ADGRV1: variants seen among roughly 807,000 people sequenced by gnomAD.
The protein encoded by ADGRV1 is G-protein coupled receptor 98.
A neutral mutation model predicts 596.2 loss-of-function variants in ADGRV1; 359 were observed. The ratio of observed to expected loss-of-function variants is 0.60; its 90% confidence interval spans 0.55 to 0.66. The LOEUF is 0.66. ADGRV1 is among the 30% of genes least tolerant of loss of function. The pLI is 0.00. For synonymous variants in ADGRV1, 2,681 were observed against 2,679.2 expected (o/e 1.00, Z -0.02); for missense variants, 7,274 against 7,575.6 (o/e 0.96, Z 1.48).
At chr5:90,938,720 T>C (rs75572023) in intron 83 of ADGRV1, among the ~76,000 whole-genome samples, 1,946 of 152,340 alleles carry the variant, frequency 0.013, 49 homozygotes, top group African/African-American at 0.044. Flanking sequence ...CATTCCAGCT[T>C]ATTGTTAATA....
intron 17 of ADGRV1, among the ~76,000 whole-genome samples, chr5:90,651,168 G>A (rs1162718369): frequency 6.6e-6 from 1 of 152,126 alleles, no homozygotes; most frequent in African/African-American, 2.4e-5. Flanking sequence ...ACAGACAGTA[G>A]TATTTTTATG....
chr5:90,783,996 A>G lies in ADGRV1; in HGVS notation c.13592A>G (p.Asn4531Ser), dbSNP rs201558848. ...NQSKISIANP[N>S]STMILSLVLE... ...AGCAAAATTTCTATTGCTAATCCCA[A>G]TTCCACAATGATTTTATCACTGGTG... is the stretch of plus-strand genomic sequence containing the variant. Residue 4531 changes from asparagine to serine, a missense_variant, in exon 67 of 90, where the codon AAT becomes AGT. Coordinates refer to ENST00000405460, the MANE Select transcript of ADGRV1 (RefSeq NM_032119.4). The G allele has an allele frequency of 5.3e-5, 85 of 1,612,954 alleles. No individual in the cohort carries two copies. The highest frequency in any genetic ancestry group is 5.0e-4 in the Middle Eastern group (3 of 6,058).
At chr5:91,119,856 C>G (rs1793157799) in intron 87 of ADGRV1, among the ~76,000 whole-genome samples, 1 of 152,160 alleles carries the variant, frequency 6.6e-6, no homozygotes, top group Non-Finnish European at 1.5e-5. Flanking sequence ...CCAGCCCAAA[C>G]AGCTATTGGA....
At chr5:90,561,871 G>A (rs1754880043) in intron 1 of ADGRV1, among the ~76,000 whole-genome samples, 2 of 152,166 alleles carry the variant, frequency 1.3e-5, no homozygotes, top group African/African-American at 2.4e-5. Context: ...ATTTTGGGGG[G>A]ACAAATTGCA....
At chr5:90,860,222 A>G (rs1767419897) in intron 82 of ADGRV1, among the ~76,000 whole-genome samples, 1 of 151,906 alleles carries the variant, frequency 6.6e-6, no homozygotes, top group Admixed American at 6.6e-5. Flanking sequence ...CAACCTCACC[A>G]CTCTAGAATA....
intron 87 of ADGRV1, among the ~76,000 whole-genome samples, chr5:91,104,574 C>G (rs1286037179): frequency 1.3e-5 from 2 of 152,088 alleles, no homozygotes; most frequent in Non-Finnish European, 2.9e-5. Flanking sequence ...AAATCTCTCC[C>G]TATCCCCTTT....
chr5:90,701,703 G>A (rs1353281374), intron 34 of ADGRV1, among the ~76,000 whole-genome samples: 2 of 151,816 alleles, frequency 1.3e-5, no homozygotes, highest in African/African-American at 4.8e-5. Context: ...GGATATTGAT[G>A]AACTAGTATT....
At chr5:91,144,430 G>A (rs898516539) in intron 87 of ADGRV1, among the ~76,000 whole-genome samples, 3 of 151,336 alleles carry the variant, frequency 2.0e-5, no homozygotes, top group African/African-American at 7.2e-5. Flanking sequence ...TTAGCATCCT[G>A]AGTAGCTGGG....
At chr5:90,812,139 G>C (rs1762499535) in intron 74 of ADGRV1, among the ~76,000 whole-genome samples, 1 of 151,862 alleles carries the variant, frequency 6.6e-6, no homozygotes, top group Non-Finnish European at 1.5e-5. Flanking sequence ...ATGTTGGCCA[G>C]CTGGTCTTGA....
chr5:90,680,130 A>C (rs1288398060), intron 26 of ADGRV1, among the ~76,000 whole-genome samples: 1 of 152,162 alleles, frequency 6.6e-6, no homozygotes, highest in African/African-American at 2.4e-5. Context: ...CGGGCTGATC[A>C]CCTGAGCTCA....
intron 1 of ADGRV1, among the ~76,000 whole-genome samples, chr5:90,609,358 T>C (rs1762472439): frequency 6.6e-6 from 1 of 151,932 alleles, no homozygotes. Flanking sequence ...TAAATAAAAA[T>C]AAAGACAAAT....
At chr5:90,602,211 T>C (rs1364698227) in intron 1 of ADGRV1, among the ~76,000 whole-genome samples, 1 of 152,206 alleles carries the variant, frequency 6.6e-6, no homozygotes, top group East Asian at 1.9e-4. Flanking sequence ...AATGTTTCGA[T>C]GCCTGGTACA....
chr5:91,111,553 G>T (rs1379880112), intron 87 of ADGRV1, among the ~76,000 whole-genome samples: 2 of 152,104 alleles, frequency 1.3e-5, no homozygotes, highest in Non-Finnish European at 2.9e-5. Context: ...TCCTTTTGAG[G>T]ATAAACAGCT....
chr5:90,676,817 A>C (rs1744286996), intron 25 of ADGRV1: 1 of 152,244 alleles, frequency 6.6e-6, no homozygotes. Context: ...TGGATGATCT[A>C]TAATGAGTTG....
chr5:90,685,847 T>G lies in ADGRV1; in HGVS notation c.6342T>G (p.Asp2114Glu). The G allele has an allele frequency of 6.2e-7, 1 of 1,612,474 alleles. No homozygotes were observed. Among genetic ancestry groups the G allele is most frequent in the Non-Finnish European group, 8.5e-7 (1 of 1,178,934 alleles). ...TIAQLIIIAN[D>E]DAFGTLQLSA... ...CGCAACTAATTATCATTGCCAATGA[T>G]GATGCATTTGGAACTCTTCAGCTCT... The change falls in exon 29 of 90, where the codon GAT (aspartate) becomes GAG (glutamate). Residue 2114 changes from aspartate to glutamate, a missense_variant. Around this residue, in one of 5 missense-constraint regions of ADGRV1, gnomAD observed 3,643 missense variants for 3,809.2 expected, o/e 0.96. Coordinates refer to ENST00000405460, the MANE Select transcript of ADGRV1 (RefSeq NM_032119.4).
chr5:90,703,551 G>A (rs768360377), intron 34 of ADGRV1, 114 bp from the exon 35 acceptor site: 2 of 692,234 alleles, frequency 2.9e-6, no homozygotes, highest in Non-Finnish European at 4.7e-6. Context: ...GCTTTGTAAT[G>A]TTCTTGGGAA....
In ADGRV1 at chr5:90,992,192, T is replaced by TC. The variant is rs746801932; in HGVS notation, c.18152+6673dup. Among the ~76,000 whole-genome samples the TC allele has an allele frequency of 2.6e-5, 4 of 152,242 alleles. No individual in the cohort carries two copies. In the East Asian group the frequency reaches 7.7e-4, roughly 29 times the overall value. On this transcript the variant is annotated intron_variant, in intron 85 of 89. Coordinates refer to ENST00000405460, the MANE Select transcript of ADGRV1 (RefSeq NM_032119.4). ...ATGTCTAGCTTGCTTTAATAAAGTT[T>TC]CCCACACATCCTTAAAACATGATTC...
rs1255697836 is a variant in ADGRV1, at chr5:90,783,881, G to A, written c.13477G>A (p.Gly4493Arg). The A allele has an allele frequency of 3.7e-6, 6 of 1,611,570 alleles. No homozygotes were observed. The highest frequency in any genetic ancestry group is 5.1e-6 in the Non-Finnish European group (6 of 1,178,990). ...PIEILLTGAT[G>R]GAVLGRHLVS... ...TGAAATTCTACTCACTGGAGCTACTGGAGGAGCGGTCCTTGGGCGCCACCT... is the reference window on the plus strand; with the variant it reads ...TGAAATTCTACTCACTGGAGCTACTAGAGGAGCGGTCCTTGGGCGCCACCT... The change falls in exon 67 of 90, where the codon GGA becomes AGA. Residue 4493 changes from glycine (G) to arginine (R), a missense_variant. Gly to Arg is a moderately radical substitution (Grantham distance 125, BLOSUM62 -2). Transcript: ENST00000405460.
intron 59 of ADGRV1, among the ~76,000 whole-genome samples, chr5:90,770,319 AC>A (rs2150046631): frequency 6.6e-6 from 1 of 152,212 alleles, no homozygotes; most frequent in South Asian, 2.1e-4. Context: ...CCATGATTCA[AC>A]ACCTCCCGCC....
Sources: gnomAD v4.1 joint callset for allele counts (sites outside exome capture counted in the v4.1 genomes callset) on GRCh38, gnomAD v4.1.1 for gene constraint, gnomAD v4.1.1 regional missense constraint, MANE v1.5 for transcripts, NCBI Gene and HGNC (gene_info 2026-07-23, HGNC 2026-07-21) for gene names.